The following TADA3 variants were observed in gnomAD, a reference collection of about 807,000 sequenced individuals.
The protein encoded by TADA3 is transcriptional adaptor 3, also known as transcriptional adapter 3.
A neutral mutation model predicts 43.2 loss-of-function variants in TADA3; 25 were observed. The ratio of observed to expected loss-of-function variants is 0.58; its 90% CI spans 0.42 to 0.81. The LOEUF (loss-of-function observed/expected upper bound fraction) is 0.81, where lower values mean the gene tolerates loss of function less well. TADA3 is among the 30% of genes least tolerant of loss of function. The pLI is 0.00. For missense variants in TADA3, 441 were observed against 567.8 expected, an observed-to-expected ratio of 0.78 and a Z score of 2.27; for synonymous variants, 235 against 225.5, an observed-to-expected ratio of 1.04 and a Z score of -0.38.
chr3:9,789,736 G>A lies in TADA3; in HGVS notation c.435C>T (p.Ile145=), dbSNP rs1456306139. 6.2e-7 allele frequency: 1 copy of A among 1,613,458 alleles called. No individual in the cohort carries two copies. Among genetic ancestry groups the A allele is most frequent in the South Asian group, 1.1e-5 (1 of 91,040 alleles). ...FTDDPIDVPR[I]PKNDAPNRFW... is the part of the protein sequence containing the mutation. ...ACCTGTTGGGGGCATCATTTTTGGG[G>A]ATCCGTGGCACGTCGATAGGGTCAT... Residue 145 remains isoleucine, a synonymous_variant, in exon 3 of 9, where the codon ATC becomes ATT. Coordinates refer to ENST00000301964, the MANE Select transcript of TADA3 (RefSeq NM_006354.5).
chr3:9,787,400 C>T (rs763094157), intron 4 of TADA3, 60 bp from the exon 5 acceptor site: 5 of 1,539,764 alleles, frequency 3.2e-6, no homozygotes, highest in Non-Finnish European at 4.4e-6. Context: ...ATGCTTCATT[C>T]ATTCATTCAC....
chr3:9,789,268 T>A (rs986786382), intron 4 of TADA3, among the ~76,000 whole-genome samples: 2 of 152,154 alleles, frequency 1.3e-5, no homozygotes, highest in African/African-American at 4.8e-5. Context: ...TAAAGGAACA[T>A]GGGCAGACTT....
Position 9,780,565 on chromosome 3 carries a change from A to T in TADA3, c.1107-16T>A. ...CTTTGCCAGCCTGTGGGGACCAGCC[A>T]GCCAGGTGCCAGGGTCAGCCCACCT... On this transcript the variant is annotated splice_polypyrimidine_tract_variant and intron_variant, in intron 8 of 8. Transcript: ENST00000301964. The T allele has an allele frequency of 6.3e-7, 1 of 1,595,488 alleles. No individual in the cohort carries two copies. Among genetic ancestry groups the T allele is most frequent in the Non-Finnish European group, 8.5e-7 (1 of 1,177,322 alleles).
At position 9,780,071 on chromosome 3, in the gene TADA3, T is replaced by G; in HGVS notation, c.*286A>C. 1 of 326,642 alleles carries G rather than the reference T, an allele frequency of 3.1e-6. No homozygotes were observed. The allele number at this position is 326,642 out of a possible 1,614,324, so 20.2% of individuals were successfully genotyped here. ...GAGACAGGGGTAGGGGATTAGGGAG[T>G]GGGGGATGGTAAAGAGGGGAAGAGG... On this transcript the variant is annotated 3_prime_UTR_variant, in exon 9 of 9. Coordinates refer to ENST00000301964, the MANE Select transcript of TADA3 (RefSeq NM_006354.5).
rs1169210025 is a variant in TADA3 at position 9,780,328 on chromosome 3, A to C, written c.*29T>G. On this transcript the variant is annotated 3_prime_UTR_variant, in exon 9 of 9. Transcript: ENST00000301964. ...GGCCTCCCTTCCCCTCCCCTAGGCC[A>C]GATAATCAGCCTGAGGCAGGGGTGA... The C allele has an allele frequency of 6.3e-7, 1 of 1,591,786 alleles. No homozygotes were observed. Among genetic ancestry groups the C allele is most frequent in the Admixed American group, 1.8e-5 (1 of 55,362 alleles).
At chr3:9,780,716 C>CTTAAA (rs1338947197) in intron 8 of TADA3, among the ~76,000 whole-genome samples, 167 bp from the exon 9 acceptor site, 1 of 152,212 alleles carries the variant, frequency 6.6e-6, no homozygotes, top group Admixed American at 6.5e-5. Flanking sequence ...ATGGCACTAT[C>CTTAAA]TTAAGCTCCT....
intron 8 of TADA3, among the ~76,000 whole-genome samples, chr3:9,782,833 C>G (rs1351354958): frequency 1.3e-5 from 2 of 151,732 alleles, no homozygotes; most frequent in Non-Finnish European, 2.9e-5. Context: ...GTGCCCTGTC[C>G]TGTCAGGGCT....
chr3:9,781,105 G>T (rs1420845191), intron 8 of TADA3, among the ~76,000 whole-genome samples: 1 of 152,000 alleles, frequency 6.6e-6, no homozygotes, highest in Non-Finnish European at 1.5e-5. Flanking sequence ...ACTCCAGTCT[G>T]GGCAACAGAG....
chr3:9,792,795 C>G, upstream of TADA3: 1 of 1,265,310 alleles, frequency 7.9e-7, no homozygotes, highest in Non-Finnish European at 1.0e-6. Context: ...GGTGCCCAAT[C>G]TGAAGCTGGG....
chr3:9,781,473 G>C (rs2078462784), intron 8 of TADA3: 5 of 453,102 alleles, frequency 1.1e-5, no homozygotes, highest in South Asian at 7.8e-5. Context: ...TCTGGAGCAG[G>C]CTGGGGCCAA....
chr3:9,785,626 G>A (rs1358815173), intron 6 of TADA3, among the ~76,000 whole-genome samples: 1 of 152,180 alleles, frequency 6.6e-6, no homozygotes, highest in African/African-American at 2.4e-5. Context: ...CTGATGTGAA[G>A]AAAAAGGAAC....
At chr3:9,792,834 G>C, upstream of TADA3, 2 of 1,359,320 alleles carry the variant, frequency 1.5e-6, no homozygotes, top group Non-Finnish European at 1.9e-6. Flanking sequence ...GGGGGAGGCT[G>C]TGGCAAAGGT....
intron 2 of TADA3, among the ~76,000 whole-genome samples, chr3:9,790,891 C>T (rs1292597095): frequency 6.6e-6 from 1 of 152,170 alleles, no homozygotes; most frequent in African/African-American, 2.4e-5. Context: ...TTCCAGTTCC[C>T]TAGGACTGCT....
rs775425054 is a variant in TADA3 at position 9,785,394 on chromosome 3, G to T, written c.842C>A (p.Pro281His). The change falls in exon 7 of 9, where the codon CCT becomes CAT. Residue 281 changes from proline (P) to histidine (H), a missense_variant. Transcript: ENST00000301964. ...ENIISPMEDSPIPDMSGKESG... is the reference protein window; with the variant it reads ...ENIISPMEDSHIPDMSGKESG... ...TTCTTTCCCAGACATGTCAGGAATA[G>T]GAGAATCCTCCATAGGGGAAATAAT... 14 of 1,613,882 alleles carry T rather than the reference G, an allele frequency of 8.7e-6. No homozygotes were observed. The highest frequency in any genetic ancestry group is 1.2e-5 in the Non-Finnish European group (14 of 1,179,902).
At chr3:9,787,418 T>C (rs759983815) in intron 4 of TADA3, 78 bp from the exon 5 acceptor site, 11 of 1,516,678 alleles carry the variant, frequency 7.3e-6, no homozygotes, top group Admixed American at 4.5e-5. Flanking sequence ...CACTTACCTA[T>C]CTTATATCTC....
chr3:9,784,513 C>T (rs985482707), intron 7 of TADA3, among the ~76,000 whole-genome samples: 1 of 151,804 alleles, frequency 6.6e-6, no homozygotes, highest in African/African-American at 2.4e-5. Context: ...ATATATTATT[C>T]CTAATCTTTT....
chr3:9,781,685 AT>A, intron 8 of TADA3: 1 of 433,268 alleles, frequency 2.3e-6, no homozygotes, highest in East Asian at 7.3e-5. Flanking sequence ...TCACTTAGTG[AT>A]TGAGTCCAGC....
chr3:9,781,346 CTG>C (rs2078458755), intron 8 of TADA3, among the ~76,000 whole-genome samples: 1 of 149,128 alleles, frequency 6.7e-6, no homozygotes. Context: ...CTCTCTCTCT[CTG>C]TCTTTCAGTT....
At chr3:9,783,873 G>T in intron 8 of TADA3, 155 bp downstream of exon 8, 1 of 1,319,528 alleles carries the variant, frequency 7.6e-7, no homozygotes, top group Non-Finnish European at 1.0e-6. Flanking sequence ...GGACATACCC[G>T]GTGGACTGGC....
Sources: gnomAD v4.1 joint callset for allele counts (sites outside exome capture counted in the v4.1 genomes callset) on GRCh38, gnomAD v4.1.1 for gene constraint, MANE v1.5 for transcripts, NCBI Gene and HGNC (gene_info 2026-07-23, HGNC 2026-07-21) for gene names.